Variants in PAK1IP1 observed in about 807,000 individuals in gnomAD.
PAK1IP1 encodes the protein PAK1 interacting protein 1, also known as p21-activated protein kinase-interacting protein 1.
A neutral mutation model predicts 42.0 loss-of-function variants in PAK1IP1; 24 were observed. That is an observed-to-expected ratio of 0.57 (90% confidence interval 0.41 to 0.80). PAK1IP1 has a LOEUF of 0.80. PAK1IP1 is among the 30% of genes least tolerant of loss of function. The pLI, the probability that PAK1IP1 is intolerant of heterozygous loss-of-function variation, is 0.00. For missense variants in PAK1IP1, 411 were observed against 467.9 expected, an observed-to-expected ratio of 0.88 and a Z score of 1.12; for synonymous variants, 154 against 156.7, an observed-to-expected ratio of 0.98 and a Z score of 0.13.
rs1277876231 is a variant in PAK1IP1, at chr6:10,709,674, ATATAATATGT to A, written c.*225_*234del. On this transcript the variant is annotated 3_prime_UTR_variant, in exon 10 of 10. Coordinates refer to ENST00000379568, the MANE Select transcript of PAK1IP1 (RefSeq NM_017906.3). ...TTTATGAATTATGTATCATGTTGAT[ATATAATATGT>A]TAATGTGTCATGTAATTTTTACTTT... 13 of 310,854 alleles carry A rather than the reference ATATAATATGT, an allele frequency of 4.2e-5. No homozygotes were observed. The highest frequency in any genetic ancestry group is 2.1e-4 in the African/African-American group (8 of 38,718). 19.3% of individuals were successfully genotyped at this position (310,854 alleles called of 1,614,324 possible).
intron 2 of PAK1IP1, among the ~76,000 whole-genome samples, chr6:10,700,422 A>G (rs1300685902): frequency 2.6e-5 from 4 of 152,122 alleles, no homozygotes; most frequent in African/African-American, 4.8e-5. Context: ...TGCCCTTATG[A>G]CTTAGTCACC....
chr6:10,707,183 T>C (rs1330179560), intron 7 of PAK1IP1, among the ~76,000 whole-genome samples: 1 of 152,256 alleles, frequency 6.6e-6, no homozygotes, highest in Admixed American at 6.5e-5. Flanking sequence ...CTGTTTTCTT[T>C]TCAACTTTTC....
chr6:10,707,728 C>T (rs182001839), intron 8 of PAK1IP1, among the ~76,000 whole-genome samples: 16 of 152,238 alleles, frequency 1.1e-4, no homozygotes, highest in African/African-American at 3.6e-4. Context: ...CCAGAACTCG[C>T]GCTGCTCTTT....
intron 8 of PAK1IP1, among the ~76,000 whole-genome samples, chr6:10,708,185 A>T (rs1770263113): frequency 7.6e-6 from 1 of 132,156 alleles, no homozygotes. Context: ...GTCACCCCCC[A>T]TCCTCTCCTT....
chr6:10,707,605 C>A, intron 8 of PAK1IP1, 91 bp downstream of exon 8: 1 of 739,002 alleles, frequency 1.4e-6, no homozygotes, highest in Non-Finnish European at 2.4e-6. Flanking sequence ...AGACATAGGT[C>A]TTTAAACTTT....
At chr6:10,703,101 A>G (rs1770088252) in intron 4 of PAK1IP1, among the ~76,000 whole-genome samples, 1 of 152,156 alleles carries the variant, frequency 6.6e-6, no homozygotes, top group African/African-American at 2.4e-5. Context: ...CACCACGCCC[A>G]GCCAACAAGC....
At chr6:10,707,962 T>C (rs1318228051) in intron 8 of PAK1IP1, among the ~76,000 whole-genome samples, 1 of 152,098 alleles carries the variant, frequency 6.6e-6, no homozygotes, top group Non-Finnish European at 1.5e-5. Flanking sequence ...ATTCTGTGAA[T>C]ATGGTTTGTT....
chr6:10,693,747 T>C (rs1427833645), upstream of PAK1IP1, among the ~76,000 whole-genome samples: 2 of 152,102 alleles, frequency 1.3e-5, no homozygotes, highest in African/African-American at 4.8e-5. Context: ...TTTTTTTCTT[T>C]GAAAGGGGGC....
intron 1 of PAK1IP1, among the ~76,000 whole-genome samples, chr6:10,695,293 G>A (rs187280543): frequency 1.4e-4 from 21 of 152,290 alleles, no homozygotes; most frequent in African/African-American, 5.1e-4. Flanking sequence ...AGGTCCACGG[G>A]ACACAAAGGA....
At chr6:10,699,406 C>A (rs577526026) in intron 2 of PAK1IP1, among the ~76,000 whole-genome samples, 3 of 152,124 alleles carry the variant, frequency 2.0e-5, no homozygotes, top group Admixed American at 6.6e-5. Flanking sequence ...GATGCCCAGG[C>A]TGTGGGTGTA....
chr6:10,697,611 A>C (rs142043233), intron 2 of PAK1IP1, 125 bp downstream of exon 2: 25 of 785,346 alleles, frequency 3.2e-5, no homozygotes, highest in Middle Eastern at 8.0e-4. Flanking sequence ...GAATTTTAAA[A>C]AAAAATGGTT....
chr6:10,696,566 TC>T (rs1652989877), intron 1 of PAK1IP1, among the ~76,000 whole-genome samples: 1 of 152,242 alleles, frequency 6.6e-6, no homozygotes, highest in African/African-American at 2.4e-5. Flanking sequence ...AGCACAGAGT[TC>T]CTGAGATTTC....
In PAK1IP1 at chr6:10,695,060, C is replaced by A; in HGVS notation, c.75C>A (p.Gly25=). 1 of 1,596,116 alleles carries A rather than the reference C, an allele frequency of 6.3e-7. No homozygotes were observed. ...FAVHPEPEAC[G]DHEQWTLVAD... ...TACACCCGGAGCCCGAGGCTTGCGG[C>A]GACCACGAGGTGAGATACCGCGTAG... Residue 25 remains glycine, a synonymous_variant, in exon 1 of 10, where the codon GGC becomes GGA. Coordinates refer to ENST00000379568, the MANE Select transcript of PAK1IP1 (RefSeq NM_017906.3).
intron 7 of PAK1IP1, among the ~76,000 whole-genome samples, chr6:10,705,217 G>A (rs1252305215): frequency 6.6e-6 from 1 of 151,978 alleles, no homozygotes; most frequent in East Asian, 1.9e-4. Flanking sequence ...ACTCGAGAGG[G>A]TGAGGCAGGA....
At chr6:10,691,811 T>G (rs1214152554), upstream of PAK1IP1, among the ~76,000 whole-genome samples, 1 of 152,172 alleles carries the variant, frequency 6.6e-6, no homozygotes, top group African/African-American at 2.4e-5. Context: ...TGTAATTGGT[T>G]CCACTGATTT....
chr6:10,692,165 T>C (rs1049038675), upstream of PAK1IP1, among the ~76,000 whole-genome samples: 1 of 152,196 alleles, frequency 6.6e-6, no homozygotes, highest in Non-Finnish European at 1.5e-5. Context: ...TAGCGGTTTT[T>C]AATTTGTGGA....
chr6:10,700,357 CA>C (rs1026622740), intron 2 of PAK1IP1, among the ~76,000 whole-genome samples: 3 of 151,514 alleles, frequency 2.0e-5, no homozygotes, highest in African/African-American at 4.9e-5. Flanking sequence ...CGCGCCCTGC[CA>C]AAAAAAACAA....
At position 10,702,490 on chromosome 6, in the gene PAK1IP1, G is replaced by A; in HGVS notation, c.368+1G>A. On this transcript the variant is annotated splice_donor_variant, in intron 3 of 9. Transcript: ENST00000379568. LOFTEE classifies it high-confidence loss of function. ...GCCTGAAGTCAATTAAAGCTCACAA[G>A]TGAGTCGGGCTCTTTCCCTTTGGCA... 2 of 1,614,164 alleles carry A rather than the reference G, an allele frequency of 1.2e-6. No individual in the cohort carries two copies. Among genetic ancestry groups the A allele is most frequent in the Non-Finnish European group, 1.7e-6 (2 of 1,180,028 alleles).
intron 1 of PAK1IP1, 94 bp downstream of exon 1, chr6:10,695,163 T>C: frequency 2.7e-6 from 2 of 746,568 alleles, no homozygotes; most frequent in African/African-American, 1.7e-5. Flanking sequence ...GAGCGCCTGC[T>C]GTTCACTGGA....
Sources: gnomAD v4.1 joint callset for allele counts (sites outside exome capture counted in the v4.1 genomes callset) on GRCh38, gnomAD v4.1.1 for gene constraint, MANE v1.5 for transcripts, NCBI Gene and HGNC (gene_info 2026-07-23, HGNC 2026-07-21) for gene names.